The following KCNK10 variants were observed in gnomAD, a reference collection of about 807,000 sequenced individuals.
KCNK10 encodes the protein potassium two pore domain channel subfamily K member 10.
In KCNK10, 25 loss-of-function variants were observed where a neutral mutation model predicts 47.7. The ratio of observed to expected loss-of-function variants is 0.52; its 90% CI spans 0.38 to 0.73. The LOEUF is 0.73. Ranked by LOEUF, KCNK10 falls within the 30% of genes least tolerant of loss-of-function variation. The pLI, the probability that KCNK10 is intolerant of heterozygous loss-of-function variation, is 0.00. For synonymous variants in KCNK10, 303 were observed against 285.6 expected, an observed-to-expected ratio of 1.06 and a Z score of -0.61; for missense variants, 563 against 714.5, an observed-to-expected ratio of 0.79 and a Z score of 2.42.
chr14:88,260,882 T>C lies in KCNK10; in HGVS notation c.402+2320A>G, dbSNP rs114968134. On this transcript the variant is annotated intron_variant, in intron 2 of 6. Transcript: ENST00000319231. This position sits in a 1 kb window ranked among gnomAD's most constrained non-coding sequence, Gnocchi z 4.5. Reference sequence around the variant, plus strand: ...CATATCTCATTTCACAGAGAAATCTTTGAGGTCAAAACAGGACACCAGTCT... The same window carrying C: ...CATATCTCATTTCACAGAGAAATCTCTGAGGTCAAAACAGGACACCAGTCT... 4.9e-3 allele frequency among the ~76,000 whole-genome samples: 752 copies of C among 152,270 alleles called. 5 individuals carry two copies. Among genetic ancestry groups the C allele is most frequent in the African/African-American group, 0.017 (715 of 41,556 alleles).
At chr14:88,214,096 C>T (rs1229067040) in intron 4 of KCNK10, among the ~76,000 whole-genome samples, 1 of 151,938 alleles carries the variant, frequency 6.6e-6, no homozygotes, top group East Asian at 1.9e-4. Flanking sequence ...TGCACCACCA[C>T]ACCTGGCTAA....
intron 1 of KCNK10, among the ~76,000 whole-genome samples, chr14:88,272,956 A>T (rs11622694): frequency 0.29 from 44,577 of 151,996 alleles, 7,240 homozygotes; most frequent in Non-Finnish European, 0.36. Context: ...GCTCTGCAAG[A>T]CAGAAAATGC....
chr14:88,246,425 T>C (rs781446135), intron 2 of KCNK10, among the ~76,000 whole-genome samples: 1 of 152,124 alleles, frequency 6.6e-6, no homozygotes, highest in Non-Finnish European at 1.5e-5. Context: ...GCAACATCTC[T>C]CCACCTCCTC....
upstream of KCNK10, among the ~76,000 whole-genome samples, chr14:88,324,661 C>T (rs1235231030): frequency 6.6e-6 from 1 of 152,170 alleles, no homozygotes; most frequent in East Asian, 1.9e-4. Context: ...GTTGCCTTTA[C>T]TTACGCATAG....
At chr14:88,285,470 G>A (rs560227367) in intron 1 of KCNK10, among the ~76,000 whole-genome samples, 1 of 152,270 alleles carries the variant, frequency 6.6e-6, no homozygotes, top group African/African-American at 2.4e-5. Flanking sequence ...TCTCTCCAGA[G>A]ACTAGTTAAT....
intron 1 of KCNK10, among the ~76,000 whole-genome samples, chr14:88,310,431 G>T (rs569329315): frequency 6.6e-6 from 1 of 152,030 alleles, no homozygotes; most frequent in South Asian, 2.1e-4. Flanking sequence ...AGTGACAACA[G>T]CCAATGAATA....
chr14:88,233,869 T>C (rs1046762022), intron 3 of KCNK10, among the ~76,000 whole-genome samples: 7 of 152,224 alleles, frequency 4.6e-5, no homozygotes, highest in Non-Finnish European at 1.5e-5. Context: ...AGCCATGTCA[T>C]GAAACAAGAA....
intron 4 of KCNK10, among the ~76,000 whole-genome samples, chr14:88,210,978 T>G (rs1002771948): frequency 6.6e-6 from 1 of 152,158 alleles, no homozygotes; most frequent in African/African-American, 2.4e-5. Context: ...TGTAATTATA[T>G]GTGACTCAGC....
chr14:88,213,954 ATTG>A (rs575846191), intron 4 of KCNK10, among the ~76,000 whole-genome samples: 1,712 of 146,870 alleles, frequency 0.012, 27 homozygotes, highest in African/African-American at 0.04. Flanking sequence ...TATTATTATT[ATTG>A]AGACAGAGTT....
rs192318163 is a variant in KCNK10 at position 88,189,156 on chromosome 14, C to T, written c.869-1047G>A. Among the ~76,000 whole-genome samples the T allele has an allele frequency of 5.7e-4, 87 of 152,300 alleles. 1 individual carries two copies. Among genetic ancestry groups the T allele is most frequent in the South Asian group, 3.3e-3 (16 of 4,822 alleles). ...CCACATCTAGCGCCACTGAGTCTTA[C>T]GGCAAAGGCAGCTGGGCAAGAAATG... On this transcript the variant is annotated intron_variant, in intron 5 of 6. Transcript: ENST00000319231.
In KCNK10 at chr14:88,322,740, C is replaced by A; in HGVS notation, c.52+7G>T. On this transcript the variant is annotated splice_region_variant and intron_variant, in intron 1 of 6. Coordinates refer to ENST00000319231, the MANE Select transcript of KCNK10 (RefSeq NM_138317.3). This position sits in a 1 kb window ranked among gnomAD's most constrained non-coding sequence, Gnocchi z 4.8. ...GGCGAGGGCAGCCAAAAGTAGGAAA[C>A]ACCCACCTTTAGGATCCCAGTTCAC... 1 of 1,614,142 alleles carries A rather than the reference C, an allele frequency of 6.2e-7. No individual in the cohort carries two copies. Among genetic ancestry groups the A allele is most frequent in the Non-Finnish European group, 8.5e-7 (1 of 1,179,998 alleles).
At chr14:88,225,530 C>T (rs753479254) in intron 4 of KCNK10, among the ~76,000 whole-genome samples, 64 of 152,164 alleles carry the variant, frequency 4.2e-4, no homozygotes, top group Non-Finnish European at 8.4e-4. Context: ...GAGACTAAGT[C>T]CCTAAATTTA....
chr14:88,323,289 G>T (rs1888591473), upstream of KCNK10: 1 of 985,562 alleles, frequency 1.0e-6, no homozygotes, highest in Non-Finnish European at 1.2e-6. Context: ...CGTCAGCCTC[G>T]CTCGGCCGCG....
intron 1 of KCNK10, among the ~76,000 whole-genome samples, chr14:88,302,757 G>A (rs1179816989): frequency 6.6e-6 from 1 of 152,086 alleles, no homozygotes; most frequent in Non-Finnish European, 1.5e-5. Context: ...AGGAAATGAT[G>A]TCACAAAGCA....
At chr14:88,189,657 T>C (rs1884685752) in intron 5 of KCNK10, among the ~76,000 whole-genome samples, 1 of 152,220 alleles carries the variant, frequency 6.6e-6, no homozygotes, top group African/African-American at 2.4e-5. Context: ...ATTGTAAGGC[T>C]GTCCTAAAGT....
intron 4 of KCNK10, among the ~76,000 whole-genome samples, chr14:88,215,258 T>A (rs917059621): frequency 1.3e-5 from 2 of 152,190 alleles, no homozygotes; most frequent in African/African-American, 4.8e-5. Context: ...AAAAGGGGTT[T>A]AATTGACTCA....
intron 1 of KCNK10, among the ~76,000 whole-genome samples, chr14:88,304,292 G>T (rs531911337): frequency 6.6e-6 from 1 of 152,218 alleles, no homozygotes; most frequent in African/African-American, 2.4e-5. Flanking sequence ...TCCAGCCTGG[G>T]TGACAGAGCA....
chr14:88,247,910 A>G (rs1406314354), intron 2 of KCNK10, among the ~76,000 whole-genome samples: 1 of 152,168 alleles, frequency 6.6e-6, no homozygotes, highest in Non-Finnish European at 1.5e-5. Flanking sequence ...CTTTGACTAC[A>G]TGGAAGGATG....
At chr14:88,217,086 G>A (rs571075733) in intron 4 of KCNK10, among the ~76,000 whole-genome samples, 2 of 152,356 alleles carry the variant, frequency 1.3e-5, no homozygotes, top group South Asian at 4.1e-4. Context: ...GAACCCAAGA[G>A]GCGGAGGTTG....
Sources: allele counts gnomAD v4.1 joint callset (sites outside exome capture counted in the v4.1 genomes callset), GRCh38; gene constraint gnomAD v4.1.1; non-coding constraint Gnocchi (gnomAD v3.1); transcripts MANE v1.5; gene names NCBI Gene and HGNC (gene_info 2026-07-23, HGNC 2026-07-21).